The following GPBP1L1 variants were observed in gnomAD, a reference collection of about 807,000 sequenced individuals.
GPBP1L1 encodes GC-rich promoter binding protein 1 like 1.
GPBP1L1 carries 23 observed loss-of-function variants against 52.5 expected under a neutral mutation model. That is an observed-to-expected ratio of 0.44 (90% CI 0.32 to 0.62). The LOEUF (loss-of-function observed/expected upper bound fraction) is 0.62, where lower values mean the gene tolerates loss of function less well. GPBP1L1 is among the 20% of genes least tolerant of loss of function. GPBP1L1 has a pLI of 0.06. For synonymous variants in GPBP1L1, 243 were observed against 203.1 expected (o/e 1.20, Z -1.67); for missense variants, 596 against 579.3 (o/e 1.03, Z -0.30).
chr1:45,648,796 G>T (rs936845117), intron 6 of GPBP1L1, among the ~76,000 whole-genome samples: 1 of 152,218 alleles, frequency 6.6e-6, no homozygotes, highest in Non-Finnish European at 1.5e-5. Context: ...GGGAGGCTGA[G>T]GCAGGCGGAT....
At chr1:45,645,019 T>C (rs543574543) in intron 6 of GPBP1L1, among the ~76,000 whole-genome samples, 2 of 152,222 alleles carry the variant, frequency 1.3e-5, no homozygotes, top group South Asian at 2.1e-4. Context: ...CCCTCGTCGT[T>C]ATTATTATTA....
At chr1:45,668,266 G>A (rs1645033459) in intron 2 of GPBP1L1, among the ~76,000 whole-genome samples, 1 of 152,170 alleles carries the variant, frequency 6.6e-6, no homozygotes, top group African/African-American at 2.4e-5. Flanking sequence ...GATATGCGCT[G>A]AAATAAGAAT....
At position 45,660,239 on chromosome 1, in the gene GPBP1L1, T is replaced by G. The variant is rs950814857; in HGVS notation, c.-111A>C. The G allele has an allele frequency of 1.0e-6, 1 of 985,262 alleles. No homozygotes were observed. Among genetic ancestry groups the G allele is most frequent in the Non-Finnish European group, 1.2e-6 (1 of 829,940 alleles). 61.0% of individuals were successfully genotyped at this position (985,262 alleles called of 1,614,324 possible). On this transcript the variant is annotated 5_prime_UTR_variant, in exon 3 of 13. Transcript: ENST00000355105. The stretch of plus-strand genomic sequence containing the variant: ...TGAACTCGAGTCGGCCAGCTGGATC[T>G]CCCACAAGGTTTCCTTGTTAAAAGG...
chr1:45,654,845 A>C lies in GPBP1L1; in HGVS notation c.191-16T>G. ...TGCCAAGAATCTAGAATAGTAAAGA[A>C]AAGGACTAATTAGATTGTTTGCTTC... is the stretch of plus-strand genomic sequence containing the variant. On this transcript the variant is annotated splice_polypyrimidine_tract_variant and intron_variant, in intron 5 of 12. Transcript: ENST00000355105. 1.2e-6 allele frequency: 2 copies of C among 1,609,720 alleles called. No individual in the cohort carries two copies. Among genetic ancestry groups the C allele is most frequent in the Non-Finnish European group, 1.7e-6 (2 of 1,177,642 alleles).
At chr1:45,652,520 C>A (rs938949544) in intron 6 of GPBP1L1, among the ~76,000 whole-genome samples, 7 of 152,058 alleles carry the variant, frequency 4.6e-5, no homozygotes, top group African/African-American at 1.7e-4. Context: ...TAATGAAGTA[C>A]GTAAGAAATC....
At chr1:45,641,315 T>C (rs912077520) in intron 7 of GPBP1L1, among the ~76,000 whole-genome samples, 5 of 152,074 alleles carry the variant, frequency 3.3e-5, no homozygotes, top group African/African-American at 4.8e-5. Flanking sequence ...AAGATCCCAA[T>C]GCCACAGATG....
chr1:45,640,484 G>C (rs1644658236), intron 7 of GPBP1L1, 81 bp from the exon 8 acceptor site: 7 of 1,148,948 alleles, frequency 6.1e-6, no homozygotes, highest in Non-Finnish European at 9.1e-6. Context: ...AAAGGCCTTA[G>C]TCAACAAAAC....
intron 8 of GPBP1L1, 88 bp from the exon 9 acceptor site, chr1:45,634,324 T>TA: frequency 7.5e-7 from 1 of 1,334,820 alleles, no homozygotes; most frequent in Admixed American, 2.4e-5. Flanking sequence ...AGTGAAATGT[T>TA]ACATGAGAAC....
intron 7 of GPBP1L1, 85 bp from the exon 8 acceptor site, chr1:45,640,488 A>G: frequency 1.9e-6 from 2 of 1,057,082 alleles, no homozygotes; most frequent in Non-Finnish European, 2.9e-6. Flanking sequence ...GCCTTAGTCA[A>G]CAAAACAGCT....
At chr1:45,659,442 C>G (rs1329155830) in intron 3 of GPBP1L1, among the ~76,000 whole-genome samples, 1 of 152,172 alleles carries the variant, frequency 6.6e-6, no homozygotes, top group East Asian at 1.9e-4. Context: ...AAAAGATCAT[C>G]CTGCTTCAGC....
At position 45,649,463 on chromosome 1, in the gene GPBP1L1, T is replaced by C. The variant is rs201326758; in HGVS notation, c.477+5080A>G. Among the ~76,000 whole-genome samples, 457 of 152,138 alleles carry C rather than the reference T, an allele frequency of 3.0e-3. 4 individuals are homozygous for C. Among genetic ancestry groups the C allele is most frequent in the East Asian group, 0.022 (115 of 5,168 alleles). On this transcript the variant is annotated intron_variant, in intron 6 of 12. Transcript: ENST00000355105. ...GTTCTTTAATCTGGAGCTTTTTTTT[T>C]TTTCATGGCCTTAACATTTTTGAAG...
At chr1:45,672,190 G>C (rs1400595508) in intron 2 of GPBP1L1, among the ~76,000 whole-genome samples, 1 of 152,166 alleles carries the variant, frequency 6.6e-6, no homozygotes, top group East Asian at 1.9e-4. Flanking sequence ...ATGAAACCAT[G>C]TCTCTACTAA....
At chr1:45,661,765 T>C (rs976781111) in intron 2 of GPBP1L1, among the ~76,000 whole-genome samples, 18 of 152,158 alleles carry the variant, frequency 1.2e-4, no homozygotes, top group Non-Finnish European at 2.1e-4. Flanking sequence ...GAGTTTGCTT[T>C]TTTATATAAA....
chr1:45,628,181 A>T lies in GPBP1L1; in HGVS notation c.*75T>A. 7.3e-7 allele frequency: 1 copy of T among 1,372,922 alleles called. No homozygotes were observed. Among genetic ancestry groups the T allele is most frequent in the Non-Finnish European group, 1.0e-6 (1 of 984,492 alleles). 85.0% of individuals were successfully genotyped at this position (1,372,922 alleles called of 1,614,324 possible). A position where few individuals can be genotyped will look rare whatever the true frequency, so the allele number is the denominator to read the frequency against. On this transcript the variant is annotated 3_prime_UTR_variant, in exon 13 of 13. Transcript: ENST00000355105. ...TATTCAACAACATAAGAAAAGGAAA[A>T]GAACGATTTCTTTTGTATACTCCCT... is the stretch of plus-strand genomic sequence containing the variant.
At chr1:45,640,729 C>T (rs1644661172) in intron 7 of GPBP1L1, among the ~76,000 whole-genome samples, 1 of 152,188 alleles carries the variant, frequency 6.6e-6, no homozygotes, top group Admixed American at 6.6e-5. Context: ...AATCCAAGCG[C>T]CAGGCACTGT....
intron 2 of GPBP1L1, among the ~76,000 whole-genome samples, chr1:45,672,656 T>G (rs1645087894): frequency 6.6e-6 from 1 of 152,096 alleles, no homozygotes; most frequent in Admixed American, 6.6e-5. Context: ...TTTAAATCCA[T>G]GGACCCAGAT....
chr1:45,682,985 TAGG>T (rs1645229141), intron 2 of GPBP1L1, among the ~76,000 whole-genome samples: 2 of 152,194 alleles, frequency 1.3e-5, no homozygotes, highest in Non-Finnish European at 2.9e-5. Context: ...TACAGCCACT[TAGG>T]GGGTATGTTA....
chr1:45,669,474 A>C (rs148823373), intron 2 of GPBP1L1, among the ~76,000 whole-genome samples: 1 of 152,342 alleles, frequency 6.6e-6, no homozygotes, highest in African/African-American at 2.4e-5. Context: ...GCTCTATGGG[A>C]AAATCTAAAA....
intron 6 of GPBP1L1, among the ~76,000 whole-genome samples, chr1:45,653,624 T>C (rs1329960239): frequency 6.6e-6 from 1 of 152,112 alleles, no homozygotes; most frequent in Admixed American, 6.5e-5. Flanking sequence ...TCTCTGAAAG[T>C]GCTGGGATTA....
Sources: allele counts gnomAD v4.1 joint callset (sites outside exome capture counted in the v4.1 genomes callset), GRCh38; gene constraint gnomAD v4.1.1; transcripts MANE v1.5; gene names NCBI Gene and HGNC (gene_info 2026-07-23, HGNC 2026-07-21).